The following CNTN4 variants were observed in gnomAD, a reference collection of about 807,000 sequenced individuals.
The protein encoded by CNTN4 is contactin 4, also known as contactin-4.
Under a neutral mutation model 122.5 loss-of-function variants are expected in CNTN4, and 77 were observed. The observed-to-expected ratio is 0.63, with a 90% CI of 0.52 to 0.76. CNTN4 has a LOEUF of 0.76. CNTN4 is among the 30% of genes least tolerant of loss of function. CNTN4 has a pLI of 0.00. For synonymous variants in CNTN4, 512 were observed against 447.0 expected (o/e 1.15, Z -1.83); for missense variants, 1,256 against 1,259.1 (o/e 1.00, Z 0.04).
At chr3:2,783,458 C>T (rs554999614) in intron 6 of CNTN4, among the ~76,000 whole-genome samples, 54 of 152,260 alleles carry the variant, frequency 3.5e-4, no homozygotes, top group African/African-American at 1.2e-3. Context: ...TCTCCAGAGG[C>T]AGTTCATTGG....
At chr3:2,863,398 C>A (rs2093690019) in intron 7 of CNTN4, among the ~76,000 whole-genome samples, 1 of 148,558 alleles carries the variant, frequency 6.7e-6, no homozygotes, top group East Asian at 2.0e-4. Context: ...GGTTAGGTTC[C>A]TTAGCATCTT....
intron 4 of CNTN4, among the ~76,000 whole-genome samples, chr3:2,665,580 T>G (rs2084112609): frequency 6.6e-6 from 1 of 152,182 alleles, no homozygotes; most frequent in African/African-American, 2.4e-5. Context: ...TCCTGGTCAC[T>G]TGGGAGAAAC....
chr3:2,820,102 G>A (rs1037065005), intron 7 of CNTN4, among the ~76,000 whole-genome samples: 1 of 152,070 alleles, frequency 6.6e-6, no homozygotes, highest in Non-Finnish European at 1.5e-5. Context: ...CTCTGGGATG[G>A]TTAGTGTCAG....
intron 3 of CNTN4, among the ~76,000 whole-genome samples, chr3:2,398,934 AT>A (rs1470518382): frequency 6.6e-6 from 1 of 152,072 alleles, no homozygotes; most frequent in Non-Finnish European, 1.5e-5. Context: ...CCATATATTG[AT>A]TTATTACATA....
intron 6 of CNTN4, among the ~76,000 whole-genome samples, chr3:2,746,015 T>C (rs1167512738): frequency 6.7e-6 from 1 of 149,792 alleles, no homozygotes; most frequent in Non-Finnish European, 1.5e-5. Flanking sequence ...AACAACAAAT[T>C]TGACACCCAC....
At chr3:2,395,290 AC>A (rs1475553289) in intron 3 of CNTN4, among the ~76,000 whole-genome samples, 1 of 152,212 alleles carries the variant, frequency 6.6e-6, no homozygotes, top group Non-Finnish European at 1.5e-5. Flanking sequence ...CACATACAAC[AC>A]CAGGATAGGG....
At chr3:2,379,669 C>T (rs2045945301) in intron 3 of CNTN4, among the ~76,000 whole-genome samples, 1 of 152,124 alleles carries the variant, frequency 6.6e-6, no homozygotes, top group South Asian at 2.1e-4. Context: ...AATCTGTTGT[C>T]ATGACTTTTT....
chr3:2,901,509 G>A (rs2094173346), intron 11 of CNTN4, among the ~76,000 whole-genome samples: 1 of 152,170 alleles, frequency 6.6e-6, no homozygotes, highest in African/African-American at 2.4e-5. Context: ...CCATTTGCTG[G>A]AAGGGCTCCA....
intron 4 of CNTN4, among the ~76,000 whole-genome samples, chr3:2,733,753 C>T (rs1272097478): frequency 6.6e-6 from 1 of 151,954 alleles, no homozygotes; most frequent in African/African-American, 2.4e-5. Flanking sequence ...CCAGGCTGGT[C>T]TCAAATGCCT....
intron 3 of CNTN4, among the ~76,000 whole-genome samples, chr3:2,387,999 C>T (rs1487501780): frequency 6.6e-6 from 1 of 152,162 alleles, no homozygotes; most frequent in African/African-American, 2.4e-5. Flanking sequence ...TTTTGGTTTT[C>T]ACACAGTGAC....
At chr3:2,520,749 A>G (rs950487890) in intron 3 of CNTN4, among the ~76,000 whole-genome samples, 1 of 152,068 alleles carries the variant, frequency 6.6e-6, no homozygotes, top group Non-Finnish European at 1.5e-5. Flanking sequence ...TCTATCTGAT[A>G]AAGGAACAGA....
At chr3:2,122,550 C>G (rs1203476834) in intron 2 of CNTN4, among the ~76,000 whole-genome samples, 5 of 152,158 alleles carry the variant, frequency 3.3e-5, no homozygotes, top group Admixed American at 3.3e-4. Flanking sequence ...TTTACAGACT[C>G]TTGCTATGAT....
At chr3:2,800,238 G>A (rs1369333587) in intron 6 of CNTN4, among the ~76,000 whole-genome samples, 1 of 152,046 alleles carries the variant, frequency 6.6e-6, no homozygotes, top group Non-Finnish European at 1.5e-5. Context: ...GGATACCACA[G>A]TGCATATTTT....
At chr3:2,349,591 T>C (rs2044530777) in intron 3 of CNTN4, among the ~76,000 whole-genome samples, 1 of 151,922 alleles carries the variant, frequency 6.6e-6, no homozygotes, top group Non-Finnish European at 1.5e-5. Flanking sequence ...GTTCATGTTT[T>C]ATCCATGAAA....
intron 3 of CNTN4, among the ~76,000 whole-genome samples, chr3:2,431,736 T>G (rs1003396908): frequency 1.3e-5 from 2 of 152,196 alleles, no homozygotes; most frequent in African/African-American, 4.8e-5. Context: ...TGTGCAAATT[T>G]ATTATTATGT....
intron 4 of CNTN4, among the ~76,000 whole-genome samples, chr3:2,576,306 G>T (rs1305532696): frequency 6.6e-6 from 1 of 152,182 alleles, no homozygotes; most frequent in Non-Finnish European, 1.5e-5. Flanking sequence ...AGCCTGGCCA[G>T]TCATGAGAGA....
intron 14 of CNTN4, among the ~76,000 whole-genome samples, chr3:3,024,384 T>TAAAAAAAAAAAAAAAAAAAAA (rs55892513): frequency 1.1e-5 from 1 of 90,264 alleles, no homozygotes; most frequent in African/African-American, 4.2e-5. Context: ...TTTTCCTCAT[T>TAAAAAAAAAAAAAAAAAAAAA]AAAAAAAAAA....
At chr3:2,578,888 A>T (rs547421413) in intron 4 of CNTN4, among the ~76,000 whole-genome samples, 5 of 152,218 alleles carry the variant, frequency 3.3e-5, no homozygotes, top group Non-Finnish European at 7.3e-5. Context: ...TAAGAAAAAA[A>T]ATAGGGGAAG....
intron 3 of CNTN4, among the ~76,000 whole-genome samples, chr3:2,470,266 C>T (rs540516621): frequency 6.6e-6 from 1 of 151,878 alleles, no homozygotes; most frequent in Non-Finnish European, 1.5e-5. Context: ...TTAGTAGAGA[C>T]GGGGTTTCAC....
Sources: gnomAD v4.1 joint callset for allele counts (sites outside exome capture counted in the v4.1 genomes callset) on GRCh38, gnomAD v4.1.1 for gene constraint, MANE v1.5 for transcripts, NCBI Gene and HGNC (gene_info 2026-07-23, HGNC 2026-07-21) for gene names.